Variants in NOTCH1 observed in about 807,000 individuals in gnomAD.
NOTCH1 encodes the protein neurogenic locus notch homolog protein 1.
In NOTCH1, 37 loss-of-function variants were observed where a neutral mutation model predicts 254.8. That is an observed-to-expected ratio of 0.15 (90% confidence interval 0.11 to 0.19). The LOEUF (loss-of-function observed/expected upper bound fraction) is 0.19, where lower values mean the gene tolerates loss of function less well. NOTCH1 is among the 10% of genes least tolerant of loss of function. The pLI, the probability that NOTCH1 is intolerant of heterozygous loss-of-function variation, is 1.00. For missense variants in NOTCH1, 2,972 were observed against 3,708.6 expected (o/e 0.80, Z 5.16); for synonymous variants, 1,731 against 1,618.1 (o/e 1.07, Z -1.68).
intron 2 of NOTCH1, 50 bp from the exon 3 acceptor site, chr9:136,524,029 C>T (rs1344300314): frequency 6.5e-7 from 1 of 1,533,568 alleles, no homozygotes; most frequent in Admixed American, 2.0e-5. Flanking sequence ...TTCCCCAGCG[C>T]CCCCGCCACT....
rs1308437413 is a variant in NOTCH1 at position 136,504,858 on chromosome 9, G to A, written c.4833C>T (p.His1611=). 18 of 1,582,330 alleles carry A rather than the reference G, an allele frequency of 1.1e-5. No homozygotes were observed. Among genetic ancestry groups the A allele is most frequent in the African/African-American group, 8.0e-5 (6 of 74,570 alleles). Residue 1611 remains histidine (H), a synonymous_variant, in exon 26 of 34, where the codon CAC becomes CAT. Transcript: ENST00000651671. ...AGTAGGGGAAGATCATCTGCTGGCCGTGTGCGTCACGCTTGAAGACCACGT... is the reference window on the plus strand; with the variant it reads ...AGTAGGGGAAGATCATCTGCTGGCCATGTGCGTCACGCTTGAAGACCACGT... ...HTNVVFKRDA[H]GQQMIFPYYG...
chr9:136,510,371 G>A (rs1843159404), intron 17 of NOTCH1: 1 of 581,498 alleles, frequency 1.7e-6, no homozygotes, highest in African/African-American at 1.9e-5. Context: ...GAGCCAGGCG[G>A]GAGTGCAGGC....
chr9:136,516,144 C>G, intron 9 of NOTCH1, 50 bp from the exon 10 acceptor site: 2 of 1,376,172 alleles, frequency 1.5e-6, no homozygotes, highest in Non-Finnish European at 2.0e-6. Flanking sequence ...AGCACTATGG[C>G]CCTTCAGGGA....
Position 136,510,808 on chromosome 9 carries a change from G to A in NOTCH1, c.2588-3C>T. The A allele has an allele frequency of 1.9e-6, 3 of 1,608,910 alleles. No individual in the cohort carries two copies. The highest frequency in any genetic ancestry group is 2.2e-5 in the East Asian group (1 of 44,864). On this transcript the variant is annotated splice_region_variant and splice_polypyrimidine_tract_variant and intron_variant, in intron 16 of 33. Coordinates refer to ENST00000651671, the MANE Select transcript of NOTCH1 (RefSeq NM_017617.5). ...GATGTCGACCTCACAGGTCTGCCCT[G>A]CGGGGCAGGAGGAGGCCGGTTGGTC...
At position 136,495,731 on chromosome 9, in the gene NOTCH1, T is replaced by C. The variant is rs1376446099; in HGVS notation, c.*340A>G. 2.4e-6 allele frequency: 1 copy of C among 409,358 alleles called. No individual in the cohort carries two copies. Among genetic ancestry groups the C allele is most frequent in the Non-Finnish European group, 4.3e-6 (1 of 231,822 alleles). The allele number at this position is 409,358 out of a possible 1,614,324, so 25.4% of individuals were successfully genotyped here. On this transcript the variant is annotated 3_prime_UTR_variant, in exon 34 of 34. Transcript: ENST00000651671. ...AAAGGAATCAATAAATAAATGGCAT[T>C]TATAAATCATGAATCTTTGTTTATA...
At chr9:136,544,267 C>T (rs1410407033) in intron 1 of NOTCH1, among the ~76,000 whole-genome samples, 165 bp from the exon 2 acceptor site, 1 of 152,200 alleles carries the variant, frequency 6.6e-6, no homozygotes, top group Non-Finnish European at 1.5e-5. Context: ...CACGGGTCCG[C>T]AGGAAGCCCC....
rs776983588 is a variant in NOTCH1 at position 136,505,441 on chromosome 9, G to A, written c.4455C>T (p.Asp1485=). 3 of 1,612,774 alleles carry A rather than the reference G, an allele frequency of 1.9e-6. No individual in the cohort carries two copies. Among genetic ancestry groups the A allele is most frequent in the Middle Eastern group, 1.6e-4 (1 of 6,084 alleles). Residue 1485 remains aspartate, a synonymous_variant, in exon 25 of 34, where the codon GAC becomes GAT. Transcript: ENST00000651671. ...GAGACTGCGTGCAGTTCTTCCAGGG[G>A]TCATTGAAGTTGAGGGAGCAGTCAC... ...DGGDCSLNFN[D]PWKNCTQSLQ... is the part of the protein sequence containing the mutation.
chr9:136,537,478 A>G (rs1391925634), intron 2 of NOTCH1, among the ~76,000 whole-genome samples: 3 of 152,178 alleles, frequency 2.0e-5, no homozygotes, highest in Admixed American at 6.5e-5. Flanking sequence ...GAGTGACAGT[A>G]TTTGGGTACA....
intron 3 of NOTCH1, 56 bp from the exon 4 acceptor site, chr9:136,523,244 C>T (rs540035551): frequency 5.3e-6 from 8 of 1,517,040 alleles, no homozygotes; most frequent in South Asian, 2.4e-5. Flanking sequence ...CGAGGCCGGG[C>T]CTTCCCTCCC....
At chr9:136,502,707 C>T (rs759849039) in intron 27 of NOTCH1, 5 of 575,648 alleles carry the variant, frequency 8.7e-6, no homozygotes, top group East Asian at 5.8e-5. Flanking sequence ...TATCTGGAGA[C>T]GGCTTTTACT....
At chr9:136,528,509 A>C (rs180968776) in intron 2 of NOTCH1, among the ~76,000 whole-genome samples, 10 of 25,036 alleles carry the variant, frequency 4.0e-4, no homozygotes, top group African/African-American at 1.1e-3. Flanking sequence ...AGGGACAGTG[A>C]GGGGGATGGG....
rs2133336705 is a variant in NOTCH1, at chr9:136,504,889, T to C, written c.4802A>G (p.His1601Arg). Residue 1601 changes from histidine (H) to arginine (R), a missense_variant, in exon 26 of 34, where the codon CAC (histidine) becomes CGC (arginine). By Grantham distance (29) the His-to-Arg change is conservative. This residue lies in a region of NOTCH1 where 1,343 missense variants were observed against 1,557.0 expected (regional missense o/e 0.86). Coordinates refer to ENST00000651671, the MANE Select transcript of NOTCH1 (RefSeq NM_017617.5). ...HFLRELSRVL[H>R]TNVVFKRDAH... ...GTCACGCTTGAAGACCACGTTGGTGTGCAGCACGCGGCTGAGCTCCCGCAG... is the reference window on the plus strand; with the variant it reads ...GTCACGCTTGAAGACCACGTTGGTGCGCAGCACGCGGCTGAGCTCCCGCAG... 1.3e-6 allele frequency: 2 copies of C among 1,585,084 alleles called. No individual in the cohort carries two copies. Among genetic ancestry groups the C allele is most frequent in the African/African-American group, 1.3e-5 (1 of 74,668 alleles).
chr9:136,506,494 C>T lies in NOTCH1; in HGVS notation c.4014+33G>A, dbSNP rs189550952. ...GGACCTCTCCAGGTGTCTCCCCTGGCGGGCCCCTGCCTCCCTGCACCCCTG... is the reference window on the plus strand; with the variant it reads ...GGACCTCTCCAGGTGTCTCCCCTGGTGGGCCCCTGCCTCCCTGCACCCCTG... On this transcript the variant is annotated intron_variant, in intron 24 of 33. Transcript: ENST00000651671. The surrounding 1 kb of genome is among the most constrained non-coding windows in gnomAD (Gnocchi z 4.5). 6,600 of 1,545,408 alleles carry T rather than the reference C, an allele frequency of 4.3e-3. 24 individuals carry two copies. The highest frequency in any genetic ancestry group is 5.3e-3 in the Non-Finnish European group (6,088 of 1,143,700).
chr9:136,502,583 C>T (rs1205688371), intron 27 of NOTCH1, 95 bp from the exon 28 acceptor site: 7 of 711,340 alleles, frequency 9.8e-6, no homozygotes, highest in East Asian at 3.0e-5. Flanking sequence ...GCTCCGCGTC[C>T]GGGCGCCTCC....
chr9:136,506,419 A>C lies in NOTCH1; in HGVS notation c.4014+108T>G. The C allele has an allele frequency of 1.2e-6, 1 of 839,444 alleles. No individual in the cohort carries two copies. The highest frequency in any genetic ancestry group is 1.9e-6 in the Non-Finnish European group (1 of 529,978). 52.0% of individuals were successfully genotyped at this position (839,444 alleles called of 1,614,324 possible). ...AAAAGACATCAGGGTGAGGAGGAGG[A>C]TGAAGGCCGGGAGGATCACTGCCCG... On this transcript the variant is annotated intron_variant, in intron 24 of 33. Transcript: ENST00000651671. The surrounding 1 kb of genome is among the most constrained non-coding windows in gnomAD (Gnocchi z 4.5).
At chr9:136,543,339 TATCACCACCCAGAGGAGGC>T (rs1843760036) in intron 2 of NOTCH1, 1 of 176,296 alleles carries the variant, frequency 5.7e-6, no homozygotes, top group African/African-American at 3.2e-5. Flanking sequence ...CTAGAGGAGG[TATCACCACCCAGAGGAGGC>T]ATCACCCACC....
chr9:136,509,476 G>A (rs1035646097), intron 18 of NOTCH1, among the ~76,000 whole-genome samples: 4 of 152,212 alleles, frequency 2.6e-5, no homozygotes, highest in Non-Finnish European at 4.4e-5. Flanking sequence ...CAGAGTTCTC[G>A]TTGTCTAATA....
Position 136,513,448 on chromosome 9 carries a change from C to A in NOTCH1, c.2297G>T (p.Gly766Val), listed in dbSNP as rs374434131. 10 of 1,613,040 alleles carry A rather than the reference C, an allele frequency of 6.2e-6. No homozygotes were observed. Among genetic ancestry groups the A allele is most frequent in the Non-Finnish European group, 8.5e-7 (1 of 1,180,010 alleles). Residue 766 changes from glycine to valine, a missense_variant, in exon 14 of 34, where the codon GGC becomes GTC. Around this residue, in one of 8 missense-constraint regions of NOTCH1, gnomAD observed 1,343 missense variants for 1,557.0 expected, o/e 0.86. Transcript: ENST00000651671. The surrounding 1 kb of genome is among the most constrained non-coding windows in gnomAD (Gnocchi z 4.7). Reference sequence around the variant, plus strand: ...GCCACTGGTCATGTCTTTGCAGGTGCCGCCGTTGACACAAGGGTTGGATTC... The same window carrying A: ...GCCACTGGTCATGTCTTTGCAGGTGACGCCGTTGACACAAGGGTTGGATTC... The part of the protein sequence containing the change: ...ECESNPCVNG[G>V]TCKDMTSGYV...
chr9:136,510,599 G>T lies in NOTCH1; in HGVS notation c.2740+54C>A. 2.1e-5 allele frequency: 33 copies of T among 1,573,798 alleles called. 2 individuals are homozygous for T. In the South Asian group the frequency reaches 3.8e-4, roughly 18 times the overall value. On this transcript the variant is annotated intron_variant, in intron 17 of 33. Coordinates refer to ENST00000651671, the MANE Select transcript of NOTCH1 (RefSeq NM_017617.5). ...ACCATGCGCACCAACCCTGCCCGGG[G>T]GAACTGAGGCCTGAGAGCTTCCTGG... is the stretch of plus-strand genomic sequence containing the variant.
Sources: allele counts gnomAD v4.1 joint callset (sites outside exome capture counted in the v4.1 genomes callset), GRCh38; gene constraint gnomAD v4.1.1; regional missense constraint gnomAD v4.1.1; non-coding constraint Gnocchi (gnomAD v3.1); transcripts MANE v1.5; gene names NCBI Gene and HGNC (gene_info 2026-07-23, HGNC 2026-07-21).